FAM110B: variants seen among roughly 807,000 people sequenced by gnomAD.
The protein encoded by FAM110B is protein FAM110B.
In FAM110B, 6 loss-of-function variants were observed where a neutral mutation model predicts 20.4. The observed-to-expected ratio is 0.29, with a 90% confidence interval of 0.16 to 0.58. FAM110B has a LOEUF of 0.58. FAM110B is among the 20% of genes least tolerant of loss of function. The pLI is 0.90. For synonymous variants in FAM110B, 226 were observed against 214.1 expected (o/e 1.06, Z -0.49); for missense variants, 434 against 498.2 (o/e 0.87, Z 1.23).
At chr8:58,034,260 A>G (rs1177774125) in intron 2 of FAM110B, among the ~76,000 whole-genome samples, 2 of 152,250 alleles carry the variant, frequency 1.3e-5, no homozygotes, top group South Asian at 2.1e-4. Context: ...TGCTCCGGGT[A>G]TCATTGAGTT....
At chr8:57,998,280 T>C (rs2150560752) in intron 1 of FAM110B, among the ~76,000 whole-genome samples, 1 of 152,332 alleles carries the variant, frequency 6.6e-6, no homozygotes, top group South Asian at 2.1e-4. Flanking sequence ...ATGTAGACTC[T>C]GATAAAAATG....
At chr8:58,138,215 G>A (rs927766294) in intron 3 of FAM110B, among the ~76,000 whole-genome samples, 1 of 152,234 alleles carries the variant, frequency 6.6e-6, no homozygotes, top group African/African-American at 2.4e-5. Context: ...TTTGGGTTCC[G>A]TGGAGGCAGC....
At chr8:58,033,044 T>C (rs1805000980) in intron 2 of FAM110B, among the ~76,000 whole-genome samples, 1 of 152,184 alleles carries the variant, frequency 6.6e-6, no homozygotes, top group Admixed American at 6.5e-5. Context: ...TCGATAGGTT[T>C]TTCAGCCTTT....
intron 2 of FAM110B, among the ~76,000 whole-genome samples, chr8:58,070,665 G>C (rs146846579): frequency 6.6e-6 from 1 of 152,158 alleles, no homozygotes; most frequent in East Asian, 1.9e-4. Context: ...GCCCAATGTT[G>C]CATCAATTTG....
intron 3 of FAM110B, among the ~76,000 whole-genome samples, chr8:58,111,887 A>G (rs1261704440): frequency 6.6e-6 from 1 of 152,210 alleles, no homozygotes; most frequent in Non-Finnish European, 1.5e-5. Flanking sequence ...CTTAACTAAT[A>G]TAAGTGAAGT....
chr8:58,056,369 T>A (rs147904280), intron 2 of FAM110B, among the ~76,000 whole-genome samples: 2,116 of 152,374 alleles, frequency 0.014, 31 homozygotes, highest in Middle Eastern at 0.031. Context: ...TATTTGGCTT[T>A]CTAGTGCCAT....
intron 1 of FAM110B, among the ~76,000 whole-genome samples, chr8:58,015,030 T>C (rs1804609576): frequency 6.6e-6 from 1 of 152,210 alleles, no homozygotes; most frequent in Non-Finnish European, 1.5e-5. Context: ...TGTTCTTCTT[T>C]ATGCTCAGAC....
chr8:58,046,264 C>A (rs1805318310), intron 2 of FAM110B, among the ~76,000 whole-genome samples: 1 of 152,110 alleles, frequency 6.6e-6, no homozygotes, highest in Non-Finnish European at 1.5e-5. Flanking sequence ...ATTGTCAAAA[C>A]CAACCATTAC....
At chr8:58,029,276 T>G (rs529263226) in intron 1 of FAM110B, among the ~76,000 whole-genome samples, 92 of 152,358 alleles carry the variant, frequency 6.0e-4, no homozygotes, top group African/African-American at 2.2e-3. Flanking sequence ...CTTGAAAATG[T>G]GTTGCAGCAA....
chr8:58,102,926 G>C (rs2150612521), intron 3 of FAM110B, among the ~76,000 whole-genome samples: 1 of 141,960 alleles, frequency 7.0e-6, no homozygotes, highest in South Asian at 2.4e-4. Context: ...CAAGAAGAGA[G>C]TACTACAATT....
intron 2 of FAM110B, among the ~76,000 whole-genome samples, chr8:58,072,590 T>C (rs966928400): frequency 1.3e-5 from 2 of 152,250 alleles, no homozygotes; most frequent in African/African-American, 4.8e-5. Flanking sequence ...CATATTTCTG[T>C]GACAAGAAAA....
chr8:58,000,460 G>A (rs1804270222), intron 1 of FAM110B, among the ~76,000 whole-genome samples: 1 of 152,152 alleles, frequency 6.6e-6, no homozygotes, highest in African/African-American at 2.4e-5. Flanking sequence ...AAGAATATTT[G>A]TGTATTCTTC....
intron 3 of FAM110B, among the ~76,000 whole-genome samples, chr8:58,133,102 C>G (rs1419152635): frequency 2.0e-5 from 3 of 151,848 alleles, no homozygotes; most frequent in African/African-American, 7.3e-5. Flanking sequence ...ATTTTGCCCT[C>G]CCAGCAATGT....
At chr8:58,142,260 TC>T (rs1803758577) in intron 3 of FAM110B, among the ~76,000 whole-genome samples, 2 of 152,230 alleles carry the variant, frequency 1.3e-5, no homozygotes, top group South Asian at 2.1e-4. Context: ...GAAATGGGCT[TC>T]CCCCCTTTCC....
chr8:58,019,888 C>T (rs1311296592), intron 1 of FAM110B, among the ~76,000 whole-genome samples: 1 of 152,022 alleles, frequency 6.6e-6, no homozygotes, highest in African/African-American at 2.4e-5. Flanking sequence ...AAATTTGGTA[C>T]ATTTCATCTA....
chr8:58,017,406 G>A (rs1804661344), intron 1 of FAM110B, among the ~76,000 whole-genome samples: 1 of 152,136 alleles, frequency 6.6e-6, no homozygotes, highest in South Asian at 2.1e-4. Flanking sequence ...AATCACTGGA[G>A]GCACATATTT....
In FAM110B at chr8:58,107,628, G is replaced by A. The variant is rs565171105; in HGVS notation, c.-325+32005G>A. 2.6e-5 allele frequency among the ~76,000 whole-genome samples: 4 copies of A among 152,290 alleles called. No individual in the cohort carries two copies. In the South Asian group the frequency reaches 8.3e-4, roughly 32 times the overall value. Reference sequence around the variant, plus strand: ...ACCTATAGTTTAAAACCTCAAAATTGGTTGGTTTTGAAAGATGTTTGTATA... The same window carrying A: ...ACCTATAGTTTAAAACCTCAAAATTAGTTGGTTTTGAAAGATGTTTGTATA... On this transcript the variant is annotated intron_variant, in intron 3 of 3. Coordinates refer to ENST00000519262, the MANE Select transcript of FAM110B (RefSeq NM_001377989.1).
intron 3 of FAM110B, among the ~76,000 whole-genome samples, chr8:58,079,629 A>T (rs746452120): frequency 1.8e-4 from 27 of 152,244 alleles, no homozygotes; most frequent in South Asian, 4.2e-4. Context: ...AAAATTTTTT[A>T]AATTAGCCAG....
intron 3 of FAM110B, among the ~76,000 whole-genome samples, chr8:58,135,849 G>A (rs1803598356): frequency 6.6e-6 from 1 of 152,020 alleles, no homozygotes; most frequent in Non-Finnish European, 1.5e-5. Flanking sequence ...TGAGGTGTGG[G>A]AACTCACAGC....
Sources: allele counts gnomAD v4.1 joint callset (sites outside exome capture counted in the v4.1 genomes callset), GRCh38; gene constraint gnomAD v4.1.1; transcripts MANE v1.5; gene names NCBI Gene and HGNC (gene_info 2026-07-23, HGNC 2026-07-21).